The following ANK3 variants were observed in gnomAD, a reference collection of about 807,000 sequenced individuals.
ANK3 encodes the protein ankyrin-3.
In ANK3, 57 loss-of-function variants were observed where a neutral mutation model predicts 370.9. The ratio of observed to expected loss-of-function variants is 0.15; its 90% confidence interval spans 0.12 to 0.19. ANK3 has a LOEUF of 0.19. ANK3 is among the 10% of genes least tolerant of loss of function. ANK3 has a pLI of 1.00. For missense variants in ANK3, 4,439 were observed against 5,302.1 expected (o/e 0.84, Z 5.06); for synonymous variants, 1,929 against 1,946.3 (o/e 0.99, Z 0.23).
At chr10:60,299,197 T>TGTAC (rs1371132690) in intron 1 of ANK3, among the ~76,000 whole-genome samples, 3 of 152,184 alleles carry the variant, frequency 2.0e-5, no homozygotes, top group Non-Finnish European at 4.4e-5. Flanking sequence ...ATTTCATAAT[T>TGTAC]GTACATATGC....
At chr10:60,487,263 T>C (rs775736286) in intron 2 of ANK3, among the ~76,000 whole-genome samples, 21 of 152,284 alleles carry the variant, frequency 1.4e-4, no homozygotes, top group Admixed American at 4.6e-4. Context: ...TGCATTAAGA[T>C]AAGAGAACAG....
intron 42 of ANK3, among the ~76,000 whole-genome samples, chr10:60,046,029 G>C (rs973675116): frequency 2.6e-5 from 4 of 152,048 alleles, no homozygotes; most frequent in Non-Finnish European, 5.9e-5. Context: ...GGTATAGGTG[G>C]AATGAAAATA....
intron 1 of ANK3, among the ~76,000 whole-genome samples, chr10:60,372,685 GCC>G (rs946016733): frequency 1.6e-4 from 24 of 152,122 alleles, no homozygotes; most frequent in African/African-American, 5.8e-4. Flanking sequence ...CTCTGCAGAG[GCC>G]CCGGCTTACT....
At chr10:60,149,265 G>A (rs1171454029) in intron 23 of ANK3, among the ~76,000 whole-genome samples, 1 of 152,016 alleles carries the variant, frequency 6.6e-6, no homozygotes, top group Non-Finnish European at 1.5e-5. Context: ...CACTCCTCTT[G>A]CTCCTAGCTC....
At chr10:60,137,688 A>T (rs1049462982) in intron 24 of ANK3, among the ~76,000 whole-genome samples, 10 of 152,088 alleles carry the variant, frequency 6.6e-5, no homozygotes, top group Non-Finnish European at 1.5e-4. Flanking sequence ...AAGAAAAAAA[A>T]TACAGTGCGA....
chr10:60,395,628 C>CG lies in ANK3; in HGVS notation c.97-115990_97-115989insC, dbSNP rs1256145477. Among the ~76,000 whole-genome samples the CG allele has an allele frequency of 1.5e-3, 212 of 137,648 alleles. 2 individuals carry two copies. The highest frequency in any genetic ancestry group is 9.7e-4 in the Non-Finnish European group (64 of 65,656). 90.3% of individuals were successfully genotyped at this position (137,648 alleles called of 152,430 possible). ...TCTTTCTCTCTTTCGTTCTCTCTCT[C>CG]TCTCTCTCTCTCTCTCTCTCTCTTT... On this transcript the variant is annotated intron_variant, in intron 2 of 43. Transcript: ENST00000373827.
intron 1 of ANK3, among the ~76,000 whole-genome samples, chr10:60,337,080 T>C (rs1037075190): frequency 6.6e-6 from 1 of 151,886 alleles, no homozygotes; most frequent in African/African-American, 2.4e-5. Flanking sequence ...AAGACCAAAT[T>C]ATGCAGTGGG....
intron 2 of ANK3, among the ~76,000 whole-genome samples, chr10:60,493,065 G>A (rs1311076773): frequency 1.4e-5 from 2 of 141,948 alleles, no homozygotes; most frequent in Non-Finnish European, 3.0e-5. Context: ...GGGCGACAGA[G>A]CGAGACTCCT....
chr10:60,667,118 G>GCA (rs2079006222), intron 1 of ANK3, among the ~76,000 whole-genome samples: 1 of 149,974 alleles, frequency 6.7e-6, no homozygotes, highest in African/African-American at 2.4e-5. Context: ...GCTAAATCTG[G>GCA]CACACACACC....
chr10:60,615,226 TA>T, intron 1 of ANK3: 6 of 1,515,404 alleles, frequency 4.0e-6, no homozygotes, highest in South Asian at 1.3e-5. Context: ...AAAGCCACCC[TA>T]AAAAAGTAAA....
intron 2 of ANK3, among the ~76,000 whole-genome samples, chr10:60,576,301 T>G (rs1377635816): frequency 1.3e-5 from 2 of 152,192 alleles, no homozygotes; most frequent in Non-Finnish European, 2.9e-5. Context: ...GACTGTTCTA[T>G]TTTTAAATTA....
At chr10:60,126,331 A>G (rs1162289162) in intron 25 of ANK3, among the ~76,000 whole-genome samples, 1 of 152,190 alleles carries the variant, frequency 6.6e-6, no homozygotes. Context: ...AGGAAATGGA[A>G]GGTGTTCATT....
intron 23 of ANK3, among the ~76,000 whole-genome samples, chr10:60,142,396 G>T (rs2094608824): frequency 6.6e-6 from 1 of 152,162 alleles, no homozygotes; most frequent in African/African-American, 2.4e-5. Flanking sequence ...CATCTGCTTA[G>T]TCTTTCCCAT....
At chr10:60,262,540 G>A (rs16914674) in intron 6 of ANK3, among the ~76,000 whole-genome samples, 11,857 of 152,148 alleles carry the variant, frequency 0.078, 602 homozygotes, top group South Asian at 0.17. Flanking sequence ...TTCATACCAA[G>A]GTCATTTTAC....
chr10:60,353,563 G>GA (rs1157971415), intron 1 of ANK3, among the ~76,000 whole-genome samples: 2 of 152,060 alleles, frequency 1.3e-5, no homozygotes, highest in Non-Finnish European at 1.5e-5. Context: ...TCCTGTGAGG[G>GA]AACTCTGTTT....
At chr10:60,433,528 GGTTGCA>G (rs1457950690) in intron 2 of ANK3, among the ~76,000 whole-genome samples, 1 of 152,086 alleles carries the variant, frequency 6.6e-6, no homozygotes, top group East Asian at 1.9e-4. Flanking sequence ...AGGAGGCAGA[GGTTGCA>G]GTGAGCCGAG....
chr10:60,608,915 A>G (rs1326202787), intron 2 of ANK3, among the ~76,000 whole-genome samples: 1 of 152,160 alleles, frequency 6.6e-6, no homozygotes, highest in Non-Finnish European at 1.5e-5. Flanking sequence ...ATCTTTTCCT[A>G]GCTCCATCAC....
intron 6 of ANK3, among the ~76,000 whole-genome samples, chr10:60,263,288 G>T (rs1157832687): frequency 6.6e-6 from 1 of 152,140 alleles, no homozygotes; most frequent in Non-Finnish European, 1.5e-5. Context: ...GGCACAGAAA[G>T]AAAGCTAGAC....
chr10:60,667,427 C>A (rs1360135783), intron 1 of ANK3, among the ~76,000 whole-genome samples: 1 of 151,886 alleles, frequency 6.6e-6, no homozygotes, highest in Non-Finnish European at 1.5e-5. Flanking sequence ...AAAACTAACA[C>A]ATTAAAAACA....
Sources: gnomAD v4.1 joint callset for allele counts (sites outside exome capture counted in the v4.1 genomes callset) on GRCh38, gnomAD v4.1.1 for gene constraint, MANE v1.5 for transcripts, NCBI Gene and HGNC (gene_info 2026-07-23, HGNC 2026-07-21) for gene names.